Variants in OPHN1 observed in about 807,000 individuals in gnomAD.
OPHN1 encodes the protein oligophrenin-1.
A neutral mutation model predicts 60.7 loss-of-function variants in OPHN1; 11 were observed. The ratio of observed to expected loss-of-function variants is 0.18; its 90% CI spans 0.11 to 0.30. The LOEUF is 0.30. Among genes scored for constraint, OPHN1 ranks in the 10% least tolerant of loss-of-function variants. The probability of loss-of-function intolerance (pLI) is 1.00; values close to 1 mark genes in which losing one functional copy is unlikely to be tolerated. For missense variants in OPHN1, 449 were observed against 611.0 expected (o/e 0.73, Z 2.80); for synonymous variants, 226 against 222.6 (o/e 1.02, Z -0.14).
At chrX:68,264,087 T>C (rs992369742) in intron 5 of OPHN1, among the ~76,000 whole-genome samples, 4 of 111,012 alleles carry the variant, frequency 3.6e-5, no homozygotes, top group Admixed American at 9.7e-5. Flanking sequence ...CTTCCTTACA[T>C]CTTATACAAA....
chrX:68,407,804 T>C (rs1029608305), intron 2 of OPHN1, among the ~76,000 whole-genome samples: 2 of 112,572 alleles, frequency 1.8e-5, no homozygotes, highest in South Asian at 7.2e-4. Flanking sequence ...AAAATATTAA[T>C]ACAATAATGT....
chrX:68,371,968 C>T (rs768104429), intron 2 of OPHN1, among the ~76,000 whole-genome samples: 4 of 112,051 alleles, frequency 3.6e-5, no homozygotes, highest in South Asian at 7.4e-4. Flanking sequence ...TGGTCTCAAA[C>T]TCCAGACCTC....
chrX:68,240,574 T>C (rs2087323090), intron 5 of OPHN1, among the ~76,000 whole-genome samples: 1 of 111,761 alleles, frequency 8.9e-6, no homozygotes, highest in African/African-American at 3.3e-5. Flanking sequence ...ACAAATCTGT[T>C]GTGTCTGTAA....
chrX:68,167,354 G>A (rs1333770326), intron 15 of OPHN1, among the ~76,000 whole-genome samples: 2 of 111,263 alleles, frequency 1.8e-5, no homozygotes, highest in African/African-American at 6.5e-5. Flanking sequence ...AACAAATGCT[G>A]GCAAGGATGT....
chrX:68,396,751 G>C (rs2078686762), intron 2 of OPHN1, among the ~76,000 whole-genome samples: 1 of 111,039 alleles, frequency 9.0e-6, no homozygotes, highest in Admixed American at 9.6e-5. Flanking sequence ...GGAGGCGGAG[G>C]CTCCAGTGAG....
intron 15 of OPHN1, among the ~76,000 whole-genome samples, chrX:68,120,809 G>A (rs2077147383): frequency 8.9e-6 from 1 of 111,858 alleles, no homozygotes; most frequent in Admixed American, 9.5e-5. Context: ...TCAACCAATA[G>A]TACAGAACAG....
chrX:68,429,536 C>A (rs779968769), intron 2 of OPHN1, among the ~76,000 whole-genome samples: 1 of 110,661 alleles, frequency 9.0e-6, no homozygotes, highest in Non-Finnish European at 1.9e-5. Context: ...TCAGCCTGGG[C>A]GAGATCAGTG....
intron 5 of OPHN1, among the ~76,000 whole-genome samples, chrX:68,247,834 G>A (rs2077814488): frequency 9.1e-6 from 1 of 109,927 alleles, no homozygotes; most frequent in Non-Finnish European, 1.9e-5. Flanking sequence ...GAAGGCTGAG[G>A]TGGGAGGTTG....
At chrX:68,362,341 T>G (rs1303147910) in intron 2 of OPHN1, among the ~76,000 whole-genome samples, 5 of 110,937 alleles carry the variant, frequency 4.5e-5, no homozygotes, top group Non-Finnish European at 9.4e-5. Context: ...AAGTAGAGAG[T>G]AGAATGATAG....
chrX:68,349,955 T>C (rs1013697348), intron 2 of OPHN1, among the ~76,000 whole-genome samples: 1 of 111,178 alleles, frequency 9.0e-6, no homozygotes, highest in African/African-American at 3.3e-5. Flanking sequence ...AAATACCTAA[T>C]GTAGGTGACG....
intron 10 of OPHN1, among the ~76,000 whole-genome samples, chrX:68,202,461 G>GA (rs2077538998): frequency 9.0e-6 from 1 of 110,520 alleles, no homozygotes; most frequent in African/African-American, 3.3e-5. Flanking sequence ...ACAGGAAAGA[G>GA]AAGTAACATT....
intron 2 of OPHN1, among the ~76,000 whole-genome samples, chrX:68,401,393 A>G (rs996254002): frequency 2.7e-5 from 3 of 112,139 alleles, no homozygotes; most frequent in East Asian, 2.8e-4. Context: ...TACCAGGATT[A>G]CAAAGAAAGC....
At position 68,249,468 on chromosome X, in the gene OPHN1, T is replaced by C. The variant is rs924312811; in HGVS notation, c.385-14880A>G. Among the ~76,000 whole-genome samples, 7 of 111,747 alleles carry C rather than the reference T, an allele frequency of 6.3e-5. No homozygotes were observed. In the Admixed American group the frequency reaches 6.6e-4, roughly 11 times the overall value. On this transcript the variant is annotated intron_variant, in intron 5 of 24. Transcript: ENST00000355520. ...GACACAAAATGCCTCGAGAACACCA[T>C]GTCCAGGCAGCCAGAGCCAATAAGC...
chrX:68,084,192 GAT>G (rs2076986064), intron 19 of OPHN1, among the ~76,000 whole-genome samples: 1 of 108,987 alleles, frequency 9.2e-6, no homozygotes, highest in African/African-American at 3.3e-5. Context: ...AGGTATACCT[GAT>G]GTAAAGAACC....
At chrX:68,062,031 A>G (rs909367932) in intron 21 of OPHN1, among the ~76,000 whole-genome samples, 5 of 112,361 alleles carry the variant, frequency 4.4e-5, no homozygotes, top group Non-Finnish European at 9.4e-5. Flanking sequence ...GAACTTAGTT[A>G]TATAACCATT....
At chrX:68,270,944 C>T (rs2077965355) in intron 5 of OPHN1, among the ~76,000 whole-genome samples, 1 of 110,805 alleles carries the variant, frequency 9.0e-6, no homozygotes, top group Admixed American at 9.6e-5. Flanking sequence ...CCTCACTGAA[C>T]TTAGTGTCCC....
At chrX:68,259,065 G>C (rs2077880608) in intron 5 of OPHN1, among the ~76,000 whole-genome samples, 1 of 111,559 alleles carries the variant, frequency 9.0e-6, no homozygotes, top group South Asian at 3.8e-4. Flanking sequence ...ATATACCCAG[G>C]AGAAGAGTTG....
intron 9 of OPHN1, among the ~76,000 whole-genome samples, chrX:68,207,147 T>C (rs1273277377): frequency 1.8e-5 from 2 of 108,214 alleles, no homozygotes; most frequent in Non-Finnish European, 3.8e-5. Context: ...TTTTTTTTTT[T>C]TGACAGAGTC....
chrX:68,104,036 C>A (rs2147416442), intron 18 of OPHN1, among the ~76,000 whole-genome samples: 1 of 110,849 alleles, frequency 9.0e-6, no homozygotes, highest in African/African-American at 3.3e-5. Context: ...TAACAGAAAG[C>A]CAAATCATGA....
Sources: gnomAD v4.1 joint callset for allele counts (sites outside exome capture counted in the v4.1 genomes callset) on GRCh38, gnomAD v4.1.1 for gene constraint, MANE v1.5 for transcripts, NCBI Gene and HGNC (gene_info 2026-07-23, HGNC 2026-07-21) for gene names.